HK1: variants seen among roughly 807,000 people sequenced by gnomAD.
HK1 encodes the protein hexokinase 1.
Under a neutral mutation model 91.6 loss-of-function variants are expected in HK1, and 28 were observed. The observed-to-expected ratio is 0.31, with a 90% CI of 0.23 to 0.42. The LOEUF (loss-of-function observed/expected upper bound fraction) is 0.42, where lower values mean the gene tolerates loss of function less well. HK1 is among the 10% of genes least tolerant of loss of function. The pLI is 1.00. For missense variants in HK1, 770 were observed against 1,219.8 expected, an observed-to-expected ratio of 0.63 and a Z score of 5.49; for synonymous variants, 430 against 468.1, an observed-to-expected ratio of 0.92 and a Z score of 1.05.
chr10:69,275,736 G>T (rs1844404832), intron 1 of HK1, among the ~76,000 whole-genome samples: 1 of 152,072 alleles, frequency 6.6e-6, no homozygotes, highest in Admixed American at 6.6e-5. Flanking sequence ...AATTTATTAA[G>T]ACTTGCTTTA....
chr10:69,388,364 T>C (rs1479008881), intron 13 of HK1, among the ~76,000 whole-genome samples: 2 of 152,136 alleles, frequency 1.3e-5, no homozygotes, highest in African/African-American at 4.8e-5. Context: ...GGCGGATTAC[T>C]TGAGCTTAGG....
In HK1 at chr10:69,382,589, G is replaced by A; in HGVS notation, c.1368G>A (p.Val456=). 3 of 1,614,212 alleles carry A rather than the reference G, an allele frequency of 1.9e-6. No individual in the cohort carries two copies. The highest frequency in any genetic ancestry group is 2.5e-6 in the Non-Finnish European group (3 of 1,180,038). The stretch of plus-strand genomic sequence containing the variant: ...GCAGCGGCAAGGGGGCTGCCATGGT[G>A]ACGGCGGTGGCCTACCGCTTGGCCG... ...ESGSGKGAAM[V]TAVAYRLAEQ... Residue 456 remains valine, a synonymous_variant, in exon 10 of 18, where the codon GTG becomes GTA. Coordinates refer to ENST00000359426, the MANE Select transcript of HK1 (RefSeq NM_000188.3).
chr10:69,382,742 C>T lies in HK1; in HGVS notation c.1521C>T (p.Ala507=), dbSNP rs757694321. The T allele has an allele frequency of 8.1e-6, 13 of 1,613,276 alleles. No homozygotes were observed. The East Asian group carries it at 2.7e-4, about 33-fold the overall frequency. ...LGLRKQTHNN[A]VVKMLPSFVR... The stretch of plus-strand genomic sequence containing the variant: ...TGAGGAAGCAGACGCACAACAATGC[C>T]GTGGTTAAGATGCTGCCCTCCTTCG... The change falls in exon 10 of 18, where the codon GCC becomes GCT. Residue 507 remains alanine (A), a synonymous_variant. Coordinates refer to ENST00000359426, the MANE Select transcript of HK1 (RefSeq NM_000188.3).
intron 13 of HK1, among the ~76,000 whole-genome samples, chr10:69,387,802 A>G (rs528743852): frequency 9.8e-5 from 15 of 152,340 alleles, no homozygotes; most frequent in Admixed American, 8.5e-4. Flanking sequence ...TTGAAAAAAT[A>G]TAAAATGAAA....
At chr10:69,357,482 G>T (rs181036637) in intron 2 of HK1, among the ~76,000 whole-genome samples, 2 of 152,030 alleles carry the variant, frequency 1.3e-5, no homozygotes, top group African/African-American at 4.8e-5. Context: ...ACAGGGCCTC[G>T]CTCTGTTGCC....
In HK1 at chr10:69,395,495, T is replaced by C. The variant is rs150648768; in HGVS notation, c.2375+390T>C. ...TGGGAGGCTGAGGCAGGAGACTCACTTGAACCCAGGAGGTGGAGGTTGCAG... is the reference window on the plus strand; with the variant it reads ...TGGGAGGCTGAGGCAGGAGACTCACCTGAACCCAGGAGGTGGAGGTTGCAG... On this transcript the variant is annotated intron_variant, in intron 16 of 17. Transcript: ENST00000359426. Among the ~76,000 whole-genome samples, 136 of 152,306 alleles carry C rather than the reference T, an allele frequency of 8.9e-4. 1 individual carries two copies. The East Asian group carries it at 0.024, about 27-fold the overall frequency.
chr10:69,301,074 A>T (rs548575730), intron 5 of HK1, among the ~76,000 whole-genome samples: 19 of 151,970 alleles, frequency 1.3e-4, no homozygotes, highest in African/African-American at 4.6e-4. Context: ...GGTGAAACCC[A>T]GTCTCTACTA....
upstream of HK1, among the ~76,000 whole-genome samples, chr10:69,315,472 G>A (rs1846588543): frequency 6.6e-6 from 1 of 152,190 alleles, no homozygotes; most frequent in South Asian, 2.1e-4. Flanking sequence ...CAGGGGACTT[G>A]AAGGGAAGTG....
At position 69,368,642 on chromosome 10, in the gene HK1, C is replaced by A; in HGVS notation, c.591+11C>A. On this transcript the variant is annotated intron_variant, in intron 5 of 17. Transcript: ENST00000359426. ...ATCAAAAAGCGAGGGGTAATTTCTC[C>A]TGGGCCCTCTGCCTCAGCCATGCAG... 1 of 1,600,874 alleles carries A rather than the reference C, an allele frequency of 6.2e-7. No individual in the cohort carries two copies. The highest frequency in any genetic ancestry group is 8.6e-7 in the Non-Finnish European group (1 of 1,167,924).
intron 3 of HK1, among the ~76,000 whole-genome samples, chr10:69,360,454 G>A (rs140160929): frequency 1.5e-4 from 23 of 152,344 alleles, no homozygotes; most frequent in African/African-American, 4.6e-4. Context: ...TGGAGGCCCC[G>A]GCCTTGTAGG....
At chr10:69,301,518 G>A (rs1418727112) in intron 5 of HK1, among the ~76,000 whole-genome samples, 1 of 137,770 alleles carries the variant, frequency 7.3e-6, no homozygotes, top group Non-Finnish European at 1.5e-5. Context: ...AGGTTGCAGT[G>A]AGCTGAGATC....
rs1936125337 is a variant in HK1, at chr10:69,398,031, CA to C, written c.2376-560del. Among the ~76,000 whole-genome samples the C allele has an allele frequency of 2.6e-5, 4 of 152,230 alleles. No homozygotes were observed. The South Asian group carries it at 8.3e-4, about 31-fold the overall frequency. On this transcript the variant is annotated intron_variant, in intron 16 of 17. Transcript: ENST00000359426. ...CTGTAAGGCATCTGGCAATGTGTAG[CA>C]AAAGCTCGTTGACCCAGAAATTTAT...
At chr10:69,382,835 A>G (rs1270268386) in intron 10 of HK1, 44 bp downstream of exon 10, 2 of 1,593,766 alleles carry the variant, frequency 1.3e-6, no homozygotes, top group Admixed American at 3.5e-5. Context: ...TGCTCCTGCC[A>G]GGAACTGAGC....
rs528033059 is a variant in HK1 at position 69,398,532 on chromosome 10, T to G, written c.2376-63T>G. The G allele has an allele frequency of 1.2e-5, 15 of 1,281,244 alleles. 1 individual carries two copies. The South Asian group carries it at 1.9e-4, about 16-fold the overall frequency. 79.4% of individuals were successfully genotyped at this position (1,281,244 alleles called of 1,614,324 possible). On this transcript the variant is annotated intron_variant, in intron 16 of 17. Transcript: ENST00000359426. Reference sequence around the variant, plus strand: ...GGGGGCGGGGGGCGTCCTTTGGACGTGGTCTCCAGGCTGCTCTTGTGGGTC... The same window carrying G: ...GGGGGCGGGGGGCGTCCTTTGGACGGGGTCTCCAGGCTGCTCTTGTGGGTC...
Position 69,358,927 on chromosome 10 carries a change from A to G in HK1, c.227-970A>G, listed in dbSNP as rs1376587464. 3.9e-5 allele frequency among the ~76,000 whole-genome samples: 6 copies of G among 151,956 alleles called. No homozygotes were observed. The East Asian group carries it at 1.2e-3, about 29-fold the overall frequency. ...GGCAGGGTGGCTCATACCTGCCTAT[A>G]GTCCCAGTTACTTGAGAGGCTGAAG... On this transcript the variant is annotated intron_variant, in intron 2 of 17. Transcript: ENST00000359426.
chr10:69,354,778 T>C (rs1849045573), intron 2 of HK1, among the ~76,000 whole-genome samples: 1 of 152,136 alleles, frequency 6.6e-6, no homozygotes, highest in Non-Finnish European at 1.5e-5. Flanking sequence ...AGAACGAAGA[T>C]AGGAACAGGC....
At chr10:69,304,275 ATTATTTAT>A (rs141139312) in intron 5 of HK1, among the ~76,000 whole-genome samples, 19,747 of 143,354 alleles carry the variant, frequency 0.14, 1,576 homozygotes, top group Admixed American at 0.22. Flanking sequence ...TTTTATTTTT[ATTATTTAT>A]TTATTTATTT....
chr10:69,364,975 C>G (rs899969694), intron 4 of HK1, 73 bp downstream of exon 4: 2 of 1,557,750 alleles, frequency 1.3e-6, no homozygotes, highest in African/African-American at 2.7e-5. Flanking sequence ...CTTTTCTCCA[C>G]AACTTTTCCC....
At chr10:69,330,178 T>A (rs1847634216) in intron 1 of HK1, among the ~76,000 whole-genome samples, 1 of 152,212 alleles carries the variant, frequency 6.6e-6, no homozygotes, top group Non-Finnish European at 1.5e-5. Flanking sequence ...CCAGACCTCA[T>A]GTCCCTGATG....
Sources: allele counts gnomAD v4.1 joint callset (sites outside exome capture counted in the v4.1 genomes callset), GRCh38; gene constraint gnomAD v4.1.1; transcripts MANE v1.5; gene names NCBI Gene and HGNC (gene_info 2026-07-23, HGNC 2026-07-21).